FTO: variants seen among roughly 807,000 people sequenced by gnomAD.
The protein encoded by FTO is FTO alpha-ketoglutarate dependent dioxygenase.
Under a neutral mutation model 63.9 loss-of-function variants are expected in FTO, and 47 were observed. That is an observed-to-expected ratio of 0.74 (90% confidence interval 0.58 to 0.94). The LOEUF (loss-of-function observed/expected upper bound fraction) is 0.94. Among genes scored for constraint, FTO ranks in the 40% least tolerant of loss-of-function variants. The probability of loss-of-function intolerance (pLI) is 0.00; values close to 1 mark genes in which losing one functional copy is unlikely to be tolerated. For synonymous variants in FTO, 207 were observed against 224.4 expected (o/e 0.92, Z 0.69); for missense variants, 562 against 618.1 (o/e 0.91, Z 0.96).
At chr16:53,808,352 C>A (rs990758750) in intron 1 of FTO, among the ~76,000 whole-genome samples, 3 of 151,508 alleles carry the variant, frequency 2.0e-5, no homozygotes, top group African/African-American at 4.8e-5. Context: ...AAAAAAATTT[C>A]TTTGTTTAAC....
At chr16:53,960,427 G>T (rs1192053254) in intron 8 of FTO, among the ~76,000 whole-genome samples, 1 of 152,198 alleles carries the variant, frequency 6.6e-6, no homozygotes, top group Non-Finnish European at 1.5e-5. Flanking sequence ...TTCTGATAGT[G>T]CTTGGCAGCC....
intron 2 of FTO, among the ~76,000 whole-genome samples, chr16:53,817,575 A>AT (rs58871912): frequency 2.0e-5 from 3 of 151,156 alleles, no homozygotes; most frequent in Admixed American, 6.6e-5. Context: ...GAATATTTAA[A>AT]TTTTTTTTTT....
At chr16:53,808,403 T>C (rs371384509) in intron 1 of FTO, among the ~76,000 whole-genome samples, 2 of 152,310 alleles carry the variant, frequency 1.3e-5, no homozygotes, top group South Asian at 4.1e-4. Flanking sequence ...AAAACACCTA[T>C]AGTCAAAACA....
intron 8 of FTO, among the ~76,000 whole-genome samples, chr16:53,988,846 G>A (rs965736456): frequency 5.3e-5 from 8 of 152,122 alleles, no homozygotes; most frequent in Admixed American, 6.5e-5. Context: ...AAGGGGTTTT[G>A]TTGTTTTTTC....
intron 8 of FTO, among the ~76,000 whole-genome samples, chr16:54,100,743 C>G (rs2086622252): frequency 6.6e-6 from 1 of 152,114 alleles, no homozygotes; most frequent in Non-Finnish European, 1.5e-5. Context: ...GCATGAGGTA[C>G]AATGTCTTTA....
At chr16:54,075,368 C>T (rs1184566224) in intron 8 of FTO, among the ~76,000 whole-genome samples, 1 of 152,130 alleles carries the variant, frequency 6.6e-6, no homozygotes, top group African/African-American at 2.4e-5. Context: ...AGTGTCAATC[C>T]AGCTCTCGTT....
intron 1 of FTO, among the ~76,000 whole-genome samples, chr16:53,738,462 T>C (rs1318821324): frequency 6.6e-6 from 1 of 152,210 alleles, no homozygotes; most frequent in Non-Finnish European, 1.5e-5. Flanking sequence ...TATTCCATTA[T>C]ATGGACACAT....
chr16:53,847,585 T>G (rs944029658), intron 4 of FTO, among the ~76,000 whole-genome samples: 21 of 151,932 alleles, frequency 1.4e-4, no homozygotes, highest in Non-Finnish European at 2.6e-4. Flanking sequence ...CTGGCCAACA[T>G]GGTGGGACCC....
At chr16:53,719,857 G>T (rs1481818037) in intron 1 of FTO, among the ~76,000 whole-genome samples, 2 of 151,764 alleles carry the variant, frequency 1.3e-5, no homozygotes, top group African/African-American at 2.4e-5. Context: ...GTAGCAATTT[G>T]TGCATGTTTT....
At position 53,885,898 on chromosome 16, in the gene FTO, C is replaced by T. The variant is rs142318427; in HGVS notation, c.1120-2934C>T. ...AAGTAGCTGGGAGCACAGGCGCGTG[C>T]CACCACAACCATCTAACTTTGTTTA... is the stretch of plus-strand genomic sequence containing the variant. On this transcript the variant is annotated intron_variant, in intron 6 of 8. Coordinates refer to ENST00000471389, the MANE Select transcript of FTO (RefSeq NM_001080432.3). 3.9e-3 allele frequency among the ~76,000 whole-genome samples: 591 copies of T among 152,286 alleles called. 3 individuals carry two copies. Among genetic ancestry groups the T allele is most frequent in the Non-Finnish European group, 6.8e-3 (466 of 68,036 alleles).
At chr16:53,914,387 C>T (rs1227855581) in intron 7 of FTO, among the ~76,000 whole-genome samples, 6 of 150,694 alleles carry the variant, frequency 4.0e-5, no homozygotes, top group African/African-American at 1.5e-4. Flanking sequence ...AATTGTTTAA[C>T]AGAATAGAAA....
At chr16:53,901,276 C>T (rs1416125732) in intron 7 of FTO, among the ~76,000 whole-genome samples, 1 of 152,160 alleles carries the variant, frequency 6.6e-6, no homozygotes, top group Non-Finnish European at 1.5e-5. Flanking sequence ...GGACTTTGGT[C>T]AGAAGCAGGT....
chr16:53,762,495 C>G (rs1255311328), intron 1 of FTO, among the ~76,000 whole-genome samples: 1 of 152,026 alleles, frequency 6.6e-6, no homozygotes, highest in Non-Finnish European at 1.5e-5. Context: ...ATCTAACAGA[C>G]AGAAATAGAG....
chr16:53,752,441 T>C (rs189710108), intron 1 of FTO, among the ~76,000 whole-genome samples: 602 of 152,326 alleles, frequency 4.0e-3, no homozygotes, highest in Non-Finnish European at 6.6e-3. Flanking sequence ...AAACCAAATA[T>C]GGTATAGCCA....
At position 54,095,297 on chromosome 16, in the gene FTO, C is replaced by T. The variant is rs143682264; in HGVS notation, c.1365-16465C>T. ...TTAAGGGAGCCTTCTGCCTTGGCCT[C>T]CCAAAGTGTTGGGATTACAGGCGTG... On this transcript the variant is annotated intron_variant, in intron 8 of 8. Coordinates refer to ENST00000471389, the MANE Select transcript of FTO (RefSeq NM_001080432.3). Among the ~76,000 whole-genome samples the T allele has an allele frequency of 1.0e-3, 157 of 152,294 alleles. 1 individual carries two copies. In the East Asian group the frequency reaches 0.021, roughly 21 times the overall value.
At chr16:53,851,258 G>C (rs1325484979) in intron 4 of FTO, among the ~76,000 whole-genome samples, 1 of 147,994 alleles carries the variant, frequency 6.8e-6, no homozygotes, top group Non-Finnish European at 1.5e-5. Flanking sequence ...GACCAGCCTG[G>C]CCAACATGGT....
intron 8 of FTO, chr16:53,979,592 T>C (rs2083499132): frequency 2.6e-6 from 1 of 391,776 alleles, no homozygotes; most frequent in African/African-American, 2.1e-5. Context: ...TTTCTTGTCC[T>C]CTACATTTTC....
At chr16:53,731,674 C>T (rs2076272324) in intron 1 of FTO, among the ~76,000 whole-genome samples, 1 of 151,888 alleles carries the variant, frequency 6.6e-6, no homozygotes, top group South Asian at 2.1e-4. Flanking sequence ...AAGTGATTCT[C>T]ATGCCTCAGC....
At chr16:53,787,133 A>AAAAAAAC (rs1567985653) in intron 1 of FTO, among the ~76,000 whole-genome samples, 6 of 142,164 alleles carry the variant, frequency 4.2e-5, no homozygotes, top group African/African-American at 1.7e-4. Flanking sequence ...AAAAAAAAAA[A>AAAAAAAC]AAAAAAAAAG....
Sources: allele counts gnomAD v4.1 joint callset (sites outside exome capture counted in the v4.1 genomes callset), GRCh38; gene constraint gnomAD v4.1.1; transcripts MANE v1.5; gene names NCBI Gene and HGNC (gene_info 2026-07-23, HGNC 2026-07-21).